Variants in PCDHA7 observed in about 807,000 individuals in gnomAD.
PCDHA7 encodes protocadherin alpha 7.
In PCDHA7, 37 loss-of-function variants were observed where a neutral mutation model predicts 57.2. The observed-to-expected ratio is 0.65, with a 90% CI of 0.50 to 0.85. The LOEUF is 0.85. PCDHA7 is among the 40% of genes least tolerant of loss of function. The pLI is 0.00. For missense variants in PCDHA7, 1,188 were observed against 1,241.8 expected (o/e 0.96, Z 0.65); for synonymous variants, 553 against 558.8 (o/e 0.99, Z 0.15).
rs781965106 is a variant in PCDHA7 at position 140,882,419 on chromosome 5, G to A, written c.2355+45681G>A. 8.7e-6 allele frequency: 14 copies of A among 1,613,992 alleles called. No homozygotes were observed. The African/African-American group carries it at 1.5e-4, about 17-fold the overall frequency. ...CACCTTCGTGGGCCGCATCGCTCAG[G>A]ACCTGGGGCTGGAGCTGGCGGAGCT... On this transcript the variant is annotated intron_variant, in intron 1 of 3. Transcript: ENST00000525929.
At chr5:140,862,122 G>A (rs2047215545) in intron 1 of PCDHA7, 2 of 161,786 alleles carry the variant, frequency 1.2e-5, no homozygotes, top group Admixed American at 5.7e-5. Flanking sequence ...ATAAATAAAT[G>A]TAAAGATAGG....
intron 1 of PCDHA7, chr5:140,884,716 GTTGT>G (rs782735758): frequency 2.8e-5 from 41 of 1,468,898 alleles, no homozygotes; most frequent in Middle Eastern, 3.6e-4. Flanking sequence ...CTTCCTTGCA[GTTGT>G]TTGTTTAAGA....
At chr5:140,973,760 A>T (rs2153800993) in intron 1 of PCDHA7, among the ~76,000 whole-genome samples, 1 of 152,376 alleles carries the variant, frequency 6.6e-6, no homozygotes, top group Admixed American at 6.5e-5. Flanking sequence ...GCAGGGACAC[A>T]GCCTGGCATA....
intron 1 of PCDHA7, chr5:140,968,253 C>T: frequency 6.2e-7 from 1 of 1,614,026 alleles, no homozygotes; most frequent in Non-Finnish European, 8.5e-7. Context: ...GCCACAGACC[C>T]AGATGAAAAG....
intron 1 of PCDHA7, among the ~76,000 whole-genome samples, chr5:140,901,384 T>C (rs2068629478): frequency 6.6e-6 from 1 of 152,226 alleles, no homozygotes. Flanking sequence ...TAATTCAATA[T>C]TTGTATATGG....
chr5:140,863,748 C>G (rs1221413981), intron 1 of PCDHA7: 1 of 241,166 alleles, frequency 4.1e-6, no homozygotes, highest in Non-Finnish European at 8.2e-6. Flanking sequence ...TTTGTAATCC[C>G]GGCACTTTGG....
chr5:140,836,931 A>G (rs1774819747), intron 1 of PCDHA7, 193 bp downstream of exon 1: 4 of 485,440 alleles, frequency 8.2e-6, no homozygotes, highest in South Asian at 4.0e-5. Context: ...GATGCGTAAT[A>G]CTATAGATCA....
intron 1 of PCDHA7, chr5:140,875,958 C>T (rs1312300687): frequency 1.2e-6 from 2 of 1,613,962 alleles, no homozygotes; most frequent in Admixed American, 3.3e-5. Context: ...ATGCGGATAT[C>T]GGCGTAAACT....
At chr5:140,838,555 C>T (rs1775778485) in intron 1 of PCDHA7, among the ~76,000 whole-genome samples, 1 of 151,794 alleles carries the variant, frequency 6.6e-6, no homozygotes, top group Non-Finnish European at 1.5e-5. Flanking sequence ...ATTTATTCAT[C>T]CAGTACTGTA....
intron 1 of PCDHA7, chr5:140,843,270 T>C (rs1198092649): frequency 1.3e-6 from 2 of 1,595,942 alleles, no homozygotes; most frequent in African/African-American, 2.7e-5. Context: ...CTGCTGGTCC[T>C]GGTGAAGGAT....
intron 1 of PCDHA7, among the ~76,000 whole-genome samples, chr5:140,921,612 TATC>T (rs2080294560): frequency 6.6e-6 from 1 of 152,158 alleles, no homozygotes; most frequent in Non-Finnish European, 1.5e-5. Flanking sequence ...ATAAGAAAAA[TATC>T]ATCAGATCAT....
chr5:140,841,209 T>A (rs1777094069), intron 1 of PCDHA7: 4 of 1,385,024 alleles, frequency 2.9e-6, no homozygotes, highest in Non-Finnish European at 3.9e-6. Context: ...AGCATCTGTC[T>A]CTAAAGGCCG....
Position 140,843,291 on chromosome 5 carries a change from C to T in PCDHA7, c.2355+6553C>T, listed in dbSNP as rs2150356588. The T allele has an allele frequency of 1.3e-6, 2 of 1,595,988 alleles. 1 individual carries two copies. The highest frequency in any genetic ancestry group is 1.7e-6 in the Non-Finnish European group (2 of 1,165,560). On this transcript the variant is annotated intron_variant, in intron 1 of 3. Coordinates refer to ENST00000525929, the MANE Select transcript of PCDHA7 (RefSeq NM_018910.3). Reference sequence around the variant, plus strand: ...GTCCTGGTGAAGGATCATGGTGAACCTGCGCTGACCGCCACGGCCACGGTT... The same window carrying T: ...GTCCTGGTGAAGGATCATGGTGAACTTGCGCTGACCGCCACGGCCACGGTT...
rs1229103510 is a variant in PCDHA7, at chr5:140,850,051, C to T, written c.2355+13313C>T. The T allele has an allele frequency of 6.3e-6, 10 of 1,596,302 alleles. 1 individual carries two copies. The highest frequency in any genetic ancestry group is 7.7e-6 in the Non-Finnish European group (9 of 1,167,790). Reference sequence around the variant, plus strand: ...CACGCGGAGAGCGGCAAGGTGTACGCGCTGCAGCCGTTGGACCACGAGGAG... The same window carrying T: ...CACGCGGAGAGCGGCAAGGTGTACGTGCTGCAGCCGTTGGACCACGAGGAG... On this transcript the variant is annotated intron_variant, in intron 1 of 3. Coordinates refer to ENST00000525929, the MANE Select transcript of PCDHA7 (RefSeq NM_018910.3).
chr5:140,969,128 A>T (rs140518271), intron 1 of PCDHA7: 11 of 1,614,040 alleles, frequency 6.8e-6, no homozygotes, highest in Non-Finnish European at 9.3e-6. Context: ...TGGCTCCCTC[A>T]CCAAGACCTA....
chr5:140,979,048 C>T, intron 2 of PCDHA7, 41 bp downstream of exon 2: 2 of 1,611,774 alleles, frequency 1.2e-6, no homozygotes, highest in East Asian at 2.2e-5. Context: ...GTAACCTTAA[C>T]TTGGTATGGC....
chr5:140,918,868 T>C (rs1584116749), intron 1 of PCDHA7, among the ~76,000 whole-genome samples: 1 of 152,216 alleles, frequency 6.6e-6, no homozygotes, highest in Admixed American at 6.5e-5. Context: ...TCATGAACTT[T>C]CAAGCCTCTA....
chr5:140,966,502 GGCA>G (rs2096011406), intron 1 of PCDHA7: 14 of 433,816 alleles, frequency 3.2e-5, no homozygotes, highest in South Asian at 2.3e-4. Context: ...GAGCTGTAGC[GGCA>G]GCAGCAGCAG....
chr5:140,949,685 G>A (rs1044878374), intron 1 of PCDHA7, among the ~76,000 whole-genome samples: 4 of 151,794 alleles, frequency 2.6e-5, no homozygotes, highest in East Asian at 1.9e-4. Flanking sequence ...TTGTTGAAGC[G>A]TATTGTTGGA....
Sources: allele counts gnomAD v4.1 joint callset (sites outside exome capture counted in the v4.1 genomes callset), GRCh38; gene constraint gnomAD v4.1.1; transcripts MANE v1.5; gene names NCBI Gene and HGNC (gene_info 2026-07-23, HGNC 2026-07-21).